The following LRP2 variants were observed in gnomAD, a reference collection of about 807,000 sequenced individuals.
LRP2 encodes the protein low-density lipoprotein receptor-related protein 2.
A neutral mutation model predicts 531.0 loss-of-function variants in LRP2; 172 were observed. The ratio of observed to expected loss-of-function variants is 0.32; its 90% CI spans 0.29 to 0.37. LRP2 has a LOEUF of 0.37. Among genes scored for constraint, LRP2 ranks in the 10% least tolerant of loss-of-function variants. The pLI is 1.00. For missense variants in LRP2, 5,167 were observed against 5,868.3 expected (o/e 0.88, Z 3.90); for synonymous variants, 1,992 against 2,027.6 (o/e 0.98, Z 0.47).
Position 169,160,786 on chromosome 2 carries a change from C to T in LRP2, c.11887+1686G>A, listed in dbSNP as rs192016655. 4.6e-3 allele frequency among the ~76,000 whole-genome samples: 694 copies of T among 152,188 alleles called. 11 individuals carry two copies. Among genetic ancestry groups the T allele is most frequent in the African/African-American group, 0.015 (633 of 41,502 alleles). ...CTCTGGGAGTCAGAACCCAAACCTG[C>T]CATTCAGTTTTGCAAATTCTATCAT... On this transcript the variant is annotated intron_variant, in intron 63 of 78. Coordinates refer to ENST00000649046, the MANE Select transcript of LRP2 (RefSeq NM_004525.3).
At chr2:169,247,922 C>A (rs1297887205) in intron 19 of LRP2, among the ~76,000 whole-genome samples, 2 of 152,210 alleles carry the variant, frequency 1.3e-5, no homozygotes, top group African/African-American at 4.8e-5. Flanking sequence ...GTGAAGGAGA[C>A]AGTCTGAATC....
At chr2:169,247,343 C>T (rs367803706) in intron 20 of LRP2, 35 bp downstream of exon 20, 22 of 1,611,728 alleles carry the variant, frequency 1.4e-5, no homozygotes, top group Middle Eastern at 1.7e-4. Flanking sequence ...TAAACCCATA[C>T]AAAAAAATAA....
intron 13 of LRP2, among the ~76,000 whole-genome samples, chr2:169,277,357 T>C (rs1272103352): frequency 1.3e-5 from 2 of 152,086 alleles, no homozygotes; most frequent in Non-Finnish European, 2.9e-5. Flanking sequence ...CAACATCAAA[T>C]ACCTAATAAA....
At chr2:169,319,191 A>G (rs968837817) in intron 2 of LRP2, among the ~76,000 whole-genome samples, 1 of 152,386 alleles carries the variant, frequency 6.6e-6, no homozygotes, top group Admixed American at 6.5e-5. Context: ...TCATTCAAGT[A>G]AACATTAACT....
At chr2:169,132,735 A>T in intron 76 of LRP2, 54 bp from the exon 77 acceptor site, 1 of 893,902 alleles carries the variant, frequency 1.1e-6, no homozygotes, top group Non-Finnish European at 1.9e-6. Context: ...AGTAGTAAAT[A>T]AATTTGCTGT....
intron 52 of LRP2, among the ~76,000 whole-genome samples, chr2:169,180,242 T>C (rs1446538115): frequency 6.6e-6 from 1 of 152,236 alleles, no homozygotes; most frequent in African/African-American, 2.4e-5. Context: ...TAGGATTATA[T>C]GGAAAGCTAA....
At chr2:169,272,056 G>A (rs66693156) in intron 15 of LRP2, among the ~76,000 whole-genome samples, 7,673 of 152,068 alleles carry the variant, frequency 0.05, 183 homozygotes, top group Non-Finnish European at 0.053. Context: ...TTTAATGAGG[G>A]TGATTTTTCT....
chr2:169,318,535 A>G lies in LRP2; in HGVS notation c.310+227T>C, dbSNP rs17848165. ...AACATAATCAAAATTAAAGATTGGG[A>G]ACCTATCTCACTTCCAAATTGCTGG... On this transcript the variant is annotated intron_variant, in intron 3 of 78. Coordinates refer to ENST00000649046, the MANE Select transcript of LRP2 (RefSeq NM_004525.3). Among the ~76,000 whole-genome samples, 1,323 of 152,320 alleles carry G rather than the reference A, an allele frequency of 8.7e-3. 32 individuals carry two copies. The highest frequency in any genetic ancestry group is 0.056 in the East Asian group (290 of 5,188).
chr2:169,340,183 C>G (rs766001476), intron 1 of LRP2, among the ~76,000 whole-genome samples: 2 of 152,060 alleles, frequency 1.3e-5, no homozygotes, highest in Non-Finnish European at 2.9e-5. Context: ...AGAAACATCT[C>G]CAGTTTTTCC....
intron 34 of LRP2, among the ~76,000 whole-genome samples, 175 bp downstream of exon 34, chr2:169,220,279 G>T (rs922095414): frequency 1.3e-5 from 2 of 152,138 alleles, no homozygotes; most frequent in East Asian, 3.9e-4. Context: ...ACAATATCCT[G>T]CACATTAAAT....
intron 2 of LRP2, among the ~76,000 whole-genome samples, chr2:169,320,412 C>T (rs1559073751): frequency 6.6e-6 from 1 of 152,082 alleles, no homozygotes; most frequent in East Asian, 1.9e-4. Flanking sequence ...GTTCAGATAA[C>T]ATTATTTTTT....
intron 34 of LRP2, 22 bp downstream of exon 34, chr2:169,220,432 C>A: frequency 1.3e-6 from 2 of 1,532,034 alleles, no homozygotes; most frequent in South Asian, 2.2e-5. Flanking sequence ...ATGGAAGACA[C>A]GTGCCATTTA....
chr2:169,188,411 C>T (rs1464164142), intron 48 of LRP2, 146 bp from the exon 49 acceptor site: 3 of 784,800 alleles, frequency 3.8e-6, no homozygotes, highest in South Asian at 1.5e-5. Context: ...GATCCCCTTT[C>T]CCCCATCATC....
At chr2:169,190,261 G>C (rs1574113693) in intron 48 of LRP2, among the ~76,000 whole-genome samples, 5 of 152,108 alleles carry the variant, frequency 3.3e-5, no homozygotes, top group African/African-American at 1.2e-4. Flanking sequence ...TACAAACAAA[G>C]CATATTCTAC....
At chr2:169,152,191 G>T (rs1334326252) in intron 67 of LRP2, among the ~76,000 whole-genome samples, 1 of 152,164 alleles carries the variant, frequency 6.6e-6, no homozygotes. Context: ...TCCAAAATGT[G>T]TGGCTCTGGT....
rs1236898527 is a variant in LRP2 at position 169,290,965 on chromosome 2, G to C, written c.802C>G (p.Pro268Ala). The change falls in exon 8 of 79, where the codon CCA becomes GCA. Residue 268 changes from proline (P) to alanine (A), a missense_variant. Around this residue, in one of 6 missense-constraint regions of LRP2, gnomAD observed 2,811 missense variants for 3,058.0 expected, o/e 0.92. Transcript: ENST00000649046. ...SGPHDVHKCS[P>A]REWSCPESGR... The stretch of plus-strand genomic sequence containing the variant: ...GACTCTGGGCAAGACCATTCTCTTG[G>C]GGAACATTTATGAACATCATGAGGA... 4 of 1,614,002 alleles carry C rather than the reference G, an allele frequency of 2.5e-6. No individual in the cohort carries two copies. The highest frequency in any genetic ancestry group is 3.4e-6 in the Non-Finnish European group (4 of 1,180,024).
chr2:169,142,527 C>T (rs151084332), intron 71 of LRP2, 147 bp downstream of exon 71: 84 of 1,081,222 alleles, frequency 7.8e-5, no homozygotes, highest in Non-Finnish European at 1.1e-4. Context: ...CCACTCAACT[C>T]TGTTCATACC....
chr2:169,261,283 A>G (rs1351344232), intron 16 of LRP2, among the ~76,000 whole-genome samples: 1 of 152,024 alleles, frequency 6.6e-6, no homozygotes, highest in African/African-American at 2.4e-5. Flanking sequence ...TCATTGAAGG[A>G]GGGAGTTCTC....
At chr2:169,140,710 C>T (rs575813660) in intron 71 of LRP2, among the ~76,000 whole-genome samples, 165 bp from the exon 72 acceptor site, 1 of 152,074 alleles carries the variant, frequency 6.6e-6, no homozygotes, top group Non-Finnish European at 1.5e-5. Flanking sequence ...TCCTTAAGGT[C>T]TTGGAGAGTA....
Sources: allele counts gnomAD v4.1 joint callset (sites outside exome capture counted in the v4.1 genomes callset), GRCh38; gene constraint gnomAD v4.1.1; regional missense constraint gnomAD v4.1.1; transcripts MANE v1.5; gene names NCBI Gene and HGNC (gene_info 2026-07-23, HGNC 2026-07-21).